B3GALT1: variants seen among roughly 807,000 people sequenced by gnomAD.
B3GALT1 encodes the protein beta-1,3-galactosyltransferase 1.
B3GALT1 carries 10 observed loss-of-function variants against 23.2 expected under a neutral mutation model. The observed-to-expected ratio is 0.43, with a 90% CI of 0.27 to 0.73. B3GALT1 has a LOEUF of 0.73. B3GALT1 is among the 30% of genes least tolerant of loss of function. B3GALT1 has a pLI of 0.21. For synonymous variants in B3GALT1, 156 were observed against 141.5 expected, an observed-to-expected ratio of 1.10 and a Z score of -0.73; for missense variants, 299 against 405.4, an observed-to-expected ratio of 0.74 and a Z score of 2.25.
At chr2:167,866,616 A>G (rs1350090181) in intron 4 of B3GALT1, among the ~76,000 whole-genome samples, 2 of 152,188 alleles carry the variant, frequency 1.3e-5, no homozygotes, top group African/African-American at 2.4e-5. Flanking sequence ...GGAACAATAA[A>G]AAGGAGATCA....
intron 1 of B3GALT1, among the ~76,000 whole-genome samples, chr2:167,424,488 G>A (rs988978621): frequency 1.3e-5 from 2 of 152,126 alleles, no homozygotes; most frequent in Non-Finnish European, 2.9e-5. Context: ...TTAAAATTAT[G>A]TAATCCAAGG....
chr2:167,700,950 C>G (rs1240459341), intron 3 of B3GALT1, among the ~76,000 whole-genome samples: 3 of 152,160 alleles, frequency 2.0e-5, no homozygotes, highest in Admixed American at 6.5e-5. Flanking sequence ...TTTCTCAGAA[C>G]CAAGATCCTA....
At chr2:167,613,368 A>T (rs1315855485) in intron 2 of B3GALT1, among the ~76,000 whole-genome samples, 1 of 151,772 alleles carries the variant, frequency 6.6e-6, no homozygotes, top group Non-Finnish European at 1.5e-5. Flanking sequence ...TTGTAGTTGA[A>T]CATTTTATGG....
intron 3 of B3GALT1, among the ~76,000 whole-genome samples, chr2:167,812,023 A>T (rs906845911): frequency 6.6e-6 from 1 of 152,242 alleles, no homozygotes; most frequent in Non-Finnish European, 1.5e-5. Flanking sequence ...CCCTATCAAC[A>T]GATAACAATA....
chr2:167,488,521 A>G (rs1699657765), intron 1 of B3GALT1, among the ~76,000 whole-genome samples: 1 of 152,268 alleles, frequency 6.6e-6, no homozygotes, highest in African/African-American at 2.4e-5. Context: ...TGTACAGTTC[A>G]TCTTAAAGAC....
chr2:167,403,128 T>A (rs1240240332), intron 1 of B3GALT1, among the ~76,000 whole-genome samples: 2 of 151,588 alleles, frequency 1.3e-5, no homozygotes. Context: ...CCCCATCAAC[T>A]CATCATTTAC....
intron 2 of B3GALT1, among the ~76,000 whole-genome samples, chr2:167,501,178 G>T (rs948792597): frequency 6.6e-6 from 1 of 152,034 alleles, no homozygotes; most frequent in Non-Finnish European, 1.5e-5. Flanking sequence ...AATGGACTTT[G>T]AATTCACAAA....
chr2:167,788,400 G>A (rs1042652475), intron 3 of B3GALT1, among the ~76,000 whole-genome samples: 1 of 152,046 alleles, frequency 6.6e-6, no homozygotes, highest in African/African-American at 2.4e-5. Flanking sequence ...TGTAGAATCA[G>A]TGGGACCCCT....
intron 3 of B3GALT1, among the ~76,000 whole-genome samples, chr2:167,753,983 G>A (rs1305383711): frequency 6.6e-6 from 1 of 152,210 alleles, no homozygotes; most frequent in Non-Finnish European, 1.5e-5. Flanking sequence ...ATGAAGGTCT[G>A]ATTTGTTTCA....
intron 2 of B3GALT1, among the ~76,000 whole-genome samples, chr2:167,492,203 C>G (rs1699720198): frequency 6.6e-6 from 1 of 152,160 alleles, no homozygotes; most frequent in Non-Finnish European, 1.5e-5. Context: ...TTGACCTTTT[C>G]CAGAATGACA....
rs780768919 is a variant in B3GALT1, at chr2:167,653,526, A to G, written c.-352+6560A>G. On this transcript the variant is annotated intron_variant, in intron 3 of 4. Transcript: ENST00000392690. ...AGATAGAAATTGCAGAAAGAGCAGCAATATCTCTCTGGAATCACAGAATTA... is the reference window on the plus strand; with the variant it reads ...AGATAGAAATTGCAGAAAGAGCAGCGATATCTCTCTGGAATCACAGAATTA... Among the ~76,000 whole-genome samples, 15 of 152,168 alleles carry G rather than the reference A, an allele frequency of 9.9e-5. 1 individual carries two copies. The highest frequency in any genetic ancestry group is 5.9e-4 in the Admixed American group (9 of 15,272).
rs577300290 is a variant in B3GALT1, at chr2:167,336,391, A to G, written c.-511+43057A>G. 3.3e-5 allele frequency among the ~76,000 whole-genome samples: 5 copies of G among 152,310 alleles called. No homozygotes were observed. The South Asian group carries it at 1.0e-3, about 32-fold the overall frequency. ...AAGGCACTTACTGTAATGGCCATCAACAAAGATGGTAATTAGTTGTCATTC... is the reference window on the plus strand; with the variant it reads ...AAGGCACTTACTGTAATGGCCATCAGCAAAGATGGTAATTAGTTGTCATTC... On this transcript the variant is annotated intron_variant, in intron 1 of 4. Coordinates refer to ENST00000392690, the MANE Select transcript of B3GALT1 (RefSeq NM_020981.4).
chr2:167,545,520 G>T (rs1041538625), intron 2 of B3GALT1, among the ~76,000 whole-genome samples: 3 of 152,122 alleles, frequency 2.0e-5, no homozygotes, highest in African/African-American at 7.2e-5. Flanking sequence ...TTAGCTTGCC[G>T]CTATAACTCA....
intron 2 of B3GALT1, among the ~76,000 whole-genome samples, chr2:167,630,185 C>T (rs1685416479): frequency 6.6e-6 from 1 of 151,732 alleles, no homozygotes; most frequent in South Asian, 2.1e-4. Context: ...ACACAAAATA[C>T]ACTTACCACA....
intron 2 of B3GALT1, among the ~76,000 whole-genome samples, chr2:167,532,656 A>C (rs1019896905): frequency 2.6e-5 from 4 of 152,094 alleles, no homozygotes; most frequent in African/African-American, 9.7e-5. Flanking sequence ...TGTTATGCTT[A>C]TGTATAACCT....
intron 1 of B3GALT1, among the ~76,000 whole-genome samples, chr2:167,408,468 T>C (rs1227610582): frequency 6.6e-6 from 1 of 152,114 alleles, no homozygotes; most frequent in Non-Finnish European, 1.5e-5. Flanking sequence ...AGGACAAGGA[T>C]GCCCAGTTTC....
intron 3 of B3GALT1, among the ~76,000 whole-genome samples, chr2:167,652,935 T>C (rs970355184): frequency 6.6e-6 from 1 of 152,180 alleles, no homozygotes; most frequent in Non-Finnish European, 1.5e-5. Context: ...TTTATATGGA[T>C]GTGTACCTAT....
rs563068285 is a variant in B3GALT1, at chr2:167,609,283, G to A, written c.-409-37626G>A. 6.6e-5 allele frequency among the ~76,000 whole-genome samples: 10 copies of A among 152,226 alleles called. 2 individuals carry two copies. The South Asian group carries it at 2.1e-3, about 32-fold the overall frequency. On this transcript the variant is annotated intron_variant, in intron 2 of 4. Coordinates refer to ENST00000392690, the MANE Select transcript of B3GALT1 (RefSeq NM_020981.4). ...GAAACCTTAAAGAAGGAAAGCTTTA[G>A]CTCCCAACTGGGGACAGTCTTTACC... is the stretch of plus-strand genomic sequence containing the variant.
At chr2:167,555,740 A>G (rs1022003607) in intron 2 of B3GALT1, among the ~76,000 whole-genome samples, 1 of 152,168 alleles carries the variant, frequency 6.6e-6, no homozygotes, top group African/African-American at 2.4e-5. Context: ...TGTGATAGAA[A>G]ATACAGTGTG....
Sources: gnomAD v4.1 joint callset for allele counts (sites outside exome capture counted in the v4.1 genomes callset) on GRCh38, gnomAD v4.1.1 for gene constraint, MANE v1.5 for transcripts, NCBI Gene and HGNC (gene_info 2026-07-23, HGNC 2026-07-21) for gene names.